C10orf67: variants seen among roughly 807,000 people sequenced by gnomAD.
The protein encoded by C10orf67 is uncharacterized protein C10orf67, mitochondrial.
A neutral mutation model predicts 35.6 loss-of-function variants in C10orf67; 60 were observed. That is an observed-to-expected ratio of 1.68 (90% CI 1.37 to 2.09). The LOEUF (loss-of-function observed/expected upper bound fraction) is 2.09, where lower values mean the gene tolerates loss of function less well. C10orf67 is among the 30% of genes most tolerant of loss of function. C10orf67 has a pLI of 0.00. For synonymous variants in C10orf67, 167 were observed against 115.8 expected (o/e 1.44, Z -2.84); for missense variants, 474 against 330.2 (o/e 1.44, Z -3.38).
chr10:23,237,996 C>G (rs1392270393), intron 13 of C10orf67, among the ~76,000 whole-genome samples: 1 of 152,162 alleles, frequency 6.6e-6, no homozygotes, highest in Non-Finnish European at 1.5e-5. Context: ...AATTTAAATT[C>G]TGGTGTTTCC....
intron 12 of C10orf67, among the ~76,000 whole-genome samples, chr10:23,242,146 AT>A (rs1205887056): frequency 1.3e-5 from 2 of 151,864 alleles, no homozygotes; most frequent in African/African-American, 2.4e-5. Flanking sequence ...TTATTTTTGT[AT>A]TTTTAGTAGA....
chr10:23,259,939 CA>C (rs1842703659), intron 10 of C10orf67, among the ~76,000 whole-genome samples: 1 of 152,060 alleles, frequency 6.6e-6, no homozygotes, highest in Non-Finnish European at 1.5e-5. Context: ...CAACATCAAA[CA>C]GTCCAGCACA....
At chr10:23,307,315 C>A (rs1394377332) in intron 4 of C10orf67, among the ~76,000 whole-genome samples, 1 of 152,098 alleles carries the variant, frequency 6.6e-6, no homozygotes, top group African/African-American at 2.4e-5. Context: ...TATTTGGGTA[C>A]ATACAACATA....
chr10:23,279,047 T>C (rs937567701), intron 8 of C10orf67, among the ~76,000 whole-genome samples: 9 of 151,704 alleles, frequency 5.9e-5, no homozygotes, highest in Non-Finnish European at 8.8e-5. Context: ...AGTCCAGGAG[T>C]TCAAGACCAG....
At chr10:23,344,362 G>C in intron 1 of C10orf67, 2 of 595,436 alleles carry the variant, frequency 3.4e-6, no homozygotes, top group Non-Finnish European at 6.0e-6. Flanking sequence ...AGAGGGGGAG[G>C]AGGAGGCGGG....
At position 23,342,232 on chromosome 10, in the gene C10orf67, A is replaced by G. The variant is rs193296047; in HGVS notation, c.206+2337T>C. 6.1e-4 allele frequency among the ~76,000 whole-genome samples: 92 copies of G among 151,668 alleles called. 2 individuals are homozygous for G. The highest frequency in any genetic ancestry group is 3.0e-3 in the Admixed American group (45 of 15,196). ...CTCCCCACTTGCCACACACACACACACACACACACTCTCACACACTTACTC... is the reference window on the plus strand; with the variant it reads ...CTCCCCACTTGCCACACACACACACGCACACACACTCTCACACACTTACTC... On this transcript the variant is annotated intron_variant, in intron 1 of 15. Coordinates refer to ENST00000636213, the MANE Select transcript of C10orf67 (RefSeq NM_001371909.1).
chr10:23,238,829 T>C (rs1842108614), intron 13 of C10orf67, among the ~76,000 whole-genome samples: 1 of 152,174 alleles, frequency 6.6e-6, no homozygotes, highest in African/African-American at 2.4e-5. Context: ...TTTGGGAACA[T>C]TTCAGAGAAA....
At chr10:23,332,985 T>G in intron 2 of C10orf67, 77 bp downstream of exon 2, 1 of 1,404,434 alleles carries the variant, frequency 7.1e-7, no homozygotes, top group Non-Finnish European at 9.8e-7. Flanking sequence ...ATTATTTCAC[T>G]TTTGTCTATG....
chr10:23,328,210 C>G (rs938404012), intron 2 of C10orf67, among the ~76,000 whole-genome samples: 6 of 152,130 alleles, frequency 3.9e-5, no homozygotes, highest in African/African-American at 1.4e-4. Context: ...TGGTAGCTGT[C>G]AGCCCAATAT....
intron 1 of C10orf67, among the ~76,000 whole-genome samples, chr10:23,336,762 C>T (rs1345925447): frequency 6.6e-6 from 1 of 152,114 alleles, no homozygotes; most frequent in Non-Finnish European, 1.5e-5. Flanking sequence ...ATCCACCTGC[C>T]TCGGCCTCCC....
At position 23,322,379 on chromosome 10, in the gene C10orf67, TAA is replaced by T. The variant is rs773525040; in HGVS notation, c.471+13_471+14del. 6.2e-7 allele frequency: 1 copy of T among 1,604,726 alleles called. No individual in the cohort carries two copies. The highest frequency in any genetic ancestry group is 1.3e-5 in the African/African-American group (1 of 74,664). ...ATCAATCCACATAAAACAAAAGAAA[TAA>T]GAGAACATTTACCTGTTGATAATGC... On this transcript the variant is annotated intron_variant, in intron 3 of 15. Transcript: ENST00000636213.
chr10:23,280,143 C>T (rs1843328323), intron 8 of C10orf67, among the ~76,000 whole-genome samples: 1 of 152,216 alleles, frequency 6.6e-6, no homozygotes, highest in African/African-American at 2.4e-5. Context: ...GCATGAGCTG[C>T]CACACACAGC....
chr10:23,337,243 G>A (rs1845721837), intron 1 of C10orf67, among the ~76,000 whole-genome samples: 1 of 152,182 alleles, frequency 6.6e-6, no homozygotes, highest in African/African-American at 2.4e-5. Flanking sequence ...ATTAAGATAG[G>A]AGTCATCAGG....
rs969522726 is a variant in C10orf67, at chr10:23,315,969, C to A, written c.546+4772G>T. Among the ~76,000 whole-genome samples, 5 of 152,186 alleles carry A rather than the reference C, an allele frequency of 3.3e-5. No homozygotes were observed. The East Asian group carries it at 9.6e-4, about 29-fold the overall frequency. On this transcript the variant is annotated intron_variant, in intron 4 of 15. Coordinates refer to ENST00000636213, the MANE Select transcript of C10orf67 (RefSeq NM_001371909.1). ...CAGTAGGTAGGACTACAAGCATGTGCCACCATGCTGTCACAGGATCCTTGG... is the reference window on the plus strand; with the variant it reads ...CAGTAGGTAGGACTACAAGCATGTGACACCATGCTGTCACAGGATCCTTGG...
At position 23,289,715 on chromosome 10, in the gene C10orf67, C is replaced by T. The variant is rs998384903; in HGVS notation, c.909+185G>A. ...CAAACAAAAGAAGTATCTATACATC[C>T]GTGAGTTTTCAAGGTGGAGTCCTTA... On this transcript the variant is annotated intron_variant, in intron 7 of 15. Transcript: ENST00000636213. Among the ~76,000 whole-genome samples, 10 of 152,174 alleles carry T rather than the reference C, an allele frequency of 6.6e-5. No homozygotes were observed. In the East Asian group the frequency reaches 7.7e-4, roughly 12 times the overall value.
chr10:23,229,125 A>T lies in C10orf67; in HGVS notation c.1435-5307T>A, dbSNP rs548701757. ...TTATAAATCATGCTGCTATAAAGAC[A>T]CATGCACACGTATGTTCACTGCGGC... On this transcript the variant is annotated intron_variant, in intron 13 of 15. Coordinates refer to ENST00000636213, the MANE Select transcript of C10orf67 (RefSeq NM_001371909.1). Among the ~76,000 whole-genome samples the T allele has an allele frequency of 6.6e-5, 10 of 152,280 alleles. 1 individual carries two copies. Among genetic ancestry groups the T allele is most frequent in the African/African-American group, 2.4e-4 (10 of 41,542 alleles).
Position 23,322,495 on chromosome 10 carries a change from A to G in C10orf67, c.370T>C (p.Leu124=), listed in dbSNP as rs1173735171. The change falls in exon 3 of 16, where the codon TTG becomes CTG. Residue 124 remains leucine, a synonymous_variant. Coordinates refer to ENST00000636213, the MANE Select transcript of C10orf67 (RefSeq NM_001371909.1). ...LQVDFGFLKQ[L]LQLKFEDRLK... ...CGGTCCTCAAACTTCAACTGAAGCA[A>G]TTGTTTGAGGAACCCAAAATCTACC... The G allele has an allele frequency of 6.2e-7, 1 of 1,612,516 alleles. No homozygotes were observed. The highest frequency in any genetic ancestry group is 2.2e-5 in the East Asian group (1 of 44,880).
At chr10:23,267,363 G>GGGA (rs1182030902) in intron 8 of C10orf67, 109 bp from the exon 9 acceptor site, 2 of 545,144 alleles carry the variant, frequency 3.7e-6, no homozygotes, top group Non-Finnish European at 6.6e-6. Flanking sequence ...TAAACCATTT[G>GGGA]TCTCCCAAAA....
chr10:23,215,788 T>C (rs903251271), intron 15 of C10orf67, among the ~76,000 whole-genome samples: 3 of 152,154 alleles, frequency 2.0e-5, no homozygotes, highest in Non-Finnish European at 4.4e-5. Context: ...AATATAGGTA[T>C]AATTTAACAT....
Sources: gnomAD v4.1 joint callset for allele counts (sites outside exome capture counted in the v4.1 genomes callset) on GRCh38, gnomAD v4.1.1 for gene constraint, MANE v1.5 for transcripts, NCBI Gene and HGNC (gene_info 2026-07-23, HGNC 2026-07-21) for gene names.